DEPDC5: variants seen among roughly 807,000 people sequenced by gnomAD.
DEPDC5 encodes DEP domain containing 5, GATOR1 subcomplex subunit, also known as GATOR1 complex protein DEPDC5.
A neutral mutation model predicts 217.3 loss-of-function variants in DEPDC5; 73 were observed. The ratio of observed to expected loss-of-function variants is 0.34; its 90% confidence interval spans 0.28 to 0.41. The LOEUF is 0.41. DEPDC5 is among the 10% of genes least tolerant of loss of function. The pLI is 1.00. For synonymous variants in DEPDC5, 733 were observed against 756.7 expected, an observed-to-expected ratio of 0.97 and a Z score of 0.51; for missense variants, 1,675 against 2,070.1, an observed-to-expected ratio of 0.81 and a Z score of 3.70.
intron 37 of DEPDC5, among the ~76,000 whole-genome samples, chr22:31,878,296 C>A (rs539160935): frequency 6.6e-6 from 1 of 151,934 alleles, no homozygotes; most frequent in South Asian, 2.1e-4. Context: ...TTTTGTATAT[C>A]CATTGACACT....
At chr22:31,842,681 G>A (rs935562611) in intron 27 of DEPDC5, among the ~76,000 whole-genome samples, 1 of 152,152 alleles carries the variant, frequency 6.6e-6, no homozygotes, top group African/African-American at 2.4e-5. Flanking sequence ...ATTAGTGAGA[G>A]CTAGGACCAG....
At chr22:31,904,951 T>A (rs1314580328) in intron 41 of DEPDC5, among the ~76,000 whole-genome samples, 2 of 152,188 alleles carry the variant, frequency 1.3e-5, no homozygotes, top group East Asian at 3.9e-4. Flanking sequence ...ACAGGCATTT[T>A]CCCTTCTTTA....
At position 31,768,875 on chromosome 22, in the gene DEPDC5, A is replaced by G; in HGVS notation, c.413+12A>G. Reference sequence around the variant, plus strand: ...TTTGCTGGCATCAGGTAGATATTACATCACTCTTGCCTTATCTGTGCAGTA... The same window carrying G: ...TTTGCTGGCATCAGGTAGATATTACGTCACTCTTGCCTTATCTGTGCAGTA... On this transcript the variant is annotated intron_variant, in intron 7 of 42. Coordinates refer to ENST00000651528, the MANE Select transcript of DEPDC5 (RefSeq NM_001242896.3). The G allele has an allele frequency of 6.2e-7, 1 of 1,613,782 alleles. No individual in the cohort carries two copies. Among genetic ancestry groups the G allele is most frequent in the African/African-American group, 1.3e-5 (1 of 75,000 alleles).
intron 40 of DEPDC5, among the ~76,000 whole-genome samples, chr22:31,901,348 C>A (rs1336167219): frequency 6.6e-6 from 1 of 152,124 alleles, no homozygotes; most frequent in African/African-American, 2.4e-5. Flanking sequence ...GAATTCAAGG[C>A]TTCAGTGAGC....
At chr22:31,892,212 G>A (rs1283487107) in intron 38 of DEPDC5, among the ~76,000 whole-genome samples, 1 of 152,140 alleles carries the variant, frequency 6.6e-6, no homozygotes, top group Non-Finnish European at 1.5e-5. Flanking sequence ...CATCATCTTG[G>A]CCAAGGCATC....
intron 24 of DEPDC5, chr22:31,831,201 C>T (rs1452005099): frequency 1.3e-5 from 2 of 152,156 alleles, no homozygotes; most frequent in Non-Finnish European, 2.9e-5. Flanking sequence ...AATTCAGGTT[C>T]CTCCTACTTA....
rs144969058 is a variant in DEPDC5, at chr22:31,870,278, T to A, written c.3331-312T>A. 0.015 allele frequency among the ~76,000 whole-genome samples: 2,229 copies of A among 152,320 alleles called. 19 individuals are homozygous for A. Among genetic ancestry groups the A allele is most frequent in the Middle Eastern group, 0.031 (9 of 294 alleles). ...AAATCGTGTGGTTTGAGGCAGGTGC[T>A]GAAGCGATTTCTTTGGTCCTGGGGA... On this transcript the variant is annotated intron_variant, in intron 33 of 42. Coordinates refer to ENST00000651528, the MANE Select transcript of DEPDC5 (RefSeq NM_001242896.3).
At chr22:31,781,487 C>T (rs538427073) in intron 8 of DEPDC5, among the ~76,000 whole-genome samples, 11 of 152,078 alleles carry the variant, frequency 7.2e-5, no homozygotes, top group African/African-American at 1.9e-4. Context: ...GGCTGGAGTG[C>T]AGTGGCGTGA....
At position 31,822,306 on chromosome 22, in the gene DEPDC5, T is replaced by A. The variant is rs571868868; in HGVS notation, c.2007-387T>A. Among the ~76,000 whole-genome samples, 9 of 152,272 alleles carry A rather than the reference T, an allele frequency of 5.9e-5. No individual in the cohort carries two copies. The South Asian group carries it at 1.5e-3, about 25-fold the overall frequency. On this transcript the variant is annotated intron_variant, in intron 23 of 42. Coordinates refer to ENST00000651528, the MANE Select transcript of DEPDC5 (RefSeq NM_001242896.3). Reference sequence around the variant, plus strand: ...TCACCTTGACACCCTAGGGGATAGATAAGGGATATGGGGAGGGCGTGACCT... The same window carrying A: ...TCACCTTGACACCCTAGGGGATAGAAAAGGGATATGGGGAGGGCGTGACCT...
At chr22:31,814,937 C>T (rs1016637550) in intron 20 of DEPDC5, 55 bp from the exon 21 acceptor site, 43 of 1,598,428 alleles carry the variant, frequency 2.7e-5, no homozygotes, top group African/African-American at 4.0e-5. Context: ...AGTTTTAACT[C>T]AAGGTAGGAC....
At chr22:31,848,763 A>G (rs1427313676) in intron 31 of DEPDC5, among the ~76,000 whole-genome samples, 5 of 152,194 alleles carry the variant, frequency 3.3e-5, no homozygotes, top group Non-Finnish European at 7.3e-5. Flanking sequence ...ATTTCCTCCC[A>G]GAAAATGGGT....
chr22:31,845,495 C>T lies in DEPDC5; in HGVS notation c.3021+258C>T, dbSNP rs2091673887. On this transcript the variant is annotated intron_variant, in intron 30 of 42. Coordinates refer to ENST00000651528, the MANE Select transcript of DEPDC5 (RefSeq NM_001242896.3). ...AGGACATGGTGCCTTGAGGTGCTCC[C>T]CAAGTGGGACCCTATGTTGAGCACA... 2.0e-5 allele frequency among the ~76,000 whole-genome samples: 3 copies of T among 152,204 alleles called. No homozygotes were observed. The South Asian group carries it at 6.2e-4, about 32-fold the overall frequency.
chr22:31,838,056 C>A (rs2091145965), intron 26 of DEPDC5, among the ~76,000 whole-genome samples: 1 of 152,120 alleles, frequency 6.6e-6, no homozygotes, highest in Non-Finnish European at 1.5e-5. Flanking sequence ...CTATTGACAT[C>A]AACTATTTCT....
In DEPDC5 at chr22:31,822,708, C is replaced by T; in HGVS notation, c.2022C>T (p.Arg674=). 1.2e-6 allele frequency: 2 copies of T among 1,614,136 alleles called. No individual in the cohort carries two copies. The highest frequency in any genetic ancestry group is 1.7e-5 in the Admixed American group (1 of 60,016). ...HEAAGRHSNS[R]QPGDGMSFLN... ...TTCTCTGCAGGCACAGCAATTCCCG[C>T]CAGCCTGGTGACGGCATGTCCTTCT... The change falls in exon 24 of 43, where the codon CGC becomes CGT. Residue 674 remains arginine (R), a synonymous_variant. Transcript: ENST00000651528.
intron 8 of DEPDC5, among the ~76,000 whole-genome samples, chr22:31,782,224 G>A (rs1161943269): frequency 6.6e-6 from 1 of 150,832 alleles, no homozygotes; most frequent in Non-Finnish European, 1.5e-5. Flanking sequence ...TGCATCCTCA[G>A]CCTCCCGGAT....
intron 30 of DEPDC5, among the ~76,000 whole-genome samples, chr22:31,845,549 C>CT (rs1289352285): frequency 1.3e-5 from 2 of 152,140 alleles, no homozygotes; most frequent in Non-Finnish European, 2.9e-5. Context: ...TGCTGAACCT[C>CT]TGAGTAGAAA....
At chr22:31,808,592 GC>G (rs1423246466) in intron 18 of DEPDC5, among the ~76,000 whole-genome samples, 3 of 152,002 alleles carry the variant, frequency 2.0e-5, no homozygotes, top group Non-Finnish European at 4.4e-5. Flanking sequence ...CTGCCACCAC[GC>G]CCAGCTAATT....
chr22:31,838,860 T>C lies in DEPDC5; in HGVS notation c.2515+15T>C. The C allele has an allele frequency of 6.2e-7, 1 of 1,606,088 alleles. No homozygotes were observed. Among genetic ancestry groups the C allele is most frequent in the African/African-American group, 1.3e-5 (1 of 74,734 alleles). On this transcript the variant is annotated intron_variant, in intron 27 of 42. Coordinates refer to ENST00000651528, the MANE Select transcript of DEPDC5 (RefSeq NM_001242896.3). ...CTATAGCCGAGGTGAGTTTTTCTCC[T>C]TGGATTTCTATTTTTTTCTCTTCTA...
intron 24 of DEPDC5, among the ~76,000 whole-genome samples, chr22:31,823,356 C>T (rs1025284354): frequency 6.6e-6 from 1 of 151,538 alleles, no homozygotes; most frequent in African/African-American, 2.4e-5. Context: ...ATGGTAAAAC[C>T]CCCATCTCTA....
Sources: gnomAD v4.1 joint callset for allele counts (sites outside exome capture counted in the v4.1 genomes callset) on GRCh38, gnomAD v4.1.1 for gene constraint, MANE v1.5 for transcripts, NCBI Gene and HGNC (gene_info 2026-07-23, HGNC 2026-07-21) for gene names.